GPR158: variants seen among roughly 807,000 people sequenced by gnomAD.
GPR158 encodes the protein metabotropic glycine receptor.
Under a neutral mutation model 78.2 loss-of-function variants are expected in GPR158, and 30 were observed. The ratio of observed to expected loss-of-function variants is 0.38; its 90% CI spans 0.29 to 0.52. GPR158 has a LOEUF of 0.52. Among genes scored for constraint, GPR158 ranks in the 20% least tolerant of loss-of-function variants. The pLI is 0.83. For synonymous variants in GPR158, 581 were observed against 591.1 expected (o/e 0.98, Z 0.25); for missense variants, 1,463 against 1,523.5 (o/e 0.96, Z 0.66).
intron 4 of GPR158, among the ~76,000 whole-genome samples, chr10:25,417,407 G>A (rs1754281): frequency 0.69 from 105,483 of 151,970 alleles, 37,697 homozygotes; most frequent in Non-Finnish European, 0.8. Context: ...CTACATGACT[G>A]TGGTAGACAC....
intron 5 of GPR158, among the ~76,000 whole-genome samples, chr10:25,490,200 A>G (rs1835786478): frequency 6.6e-6 from 1 of 151,938 alleles, no homozygotes; most frequent in Non-Finnish European, 1.5e-5. Context: ...CTAAACTGGA[A>G]CTCTTCCTTG....
chr10:25,553,803 C>G (rs1345900163), intron 6 of GPR158, among the ~76,000 whole-genome samples: 2 of 152,048 alleles, frequency 1.3e-5, no homozygotes, highest in Non-Finnish European at 2.9e-5. Flanking sequence ...CTGACAAATC[C>G]AAATTGGAAC....
At chr10:25,592,173 T>A (rs1837349664) in intron 8 of GPR158, among the ~76,000 whole-genome samples, 1 of 151,918 alleles carries the variant, frequency 6.6e-6, no homozygotes, top group African/African-American at 2.4e-5. Flanking sequence ...CTTAAAAAAA[T>A]TATGTCTATG....
At chr10:25,586,391 A>ATTTTTT (rs71399977) in intron 7 of GPR158, among the ~76,000 whole-genome samples, 1 of 70,868 alleles carries the variant, frequency 1.4e-5, no homozygotes, top group Non-Finnish European at 3.0e-5. Flanking sequence ...GTATGTGTGA[A>ATTTTTT]TTTTTTTTTT....
At chr10:25,562,684 G>A (rs1424103774) in intron 6 of GPR158, among the ~76,000 whole-genome samples, 2 of 152,140 alleles carry the variant, frequency 1.3e-5, no homozygotes, top group African/African-American at 4.8e-5. Flanking sequence ...CTGGTTTTGT[G>A]GTCTAACATA....
At chr10:25,333,297 A>G (rs1414669356) in intron 2 of GPR158, among the ~76,000 whole-genome samples, 1 of 152,206 alleles carries the variant, frequency 6.6e-6, no homozygotes, top group Admixed American at 6.5e-5. Context: ...TTTATTAGAT[A>G]GGGATTTAGT....
At chr10:25,303,454 T>G (rs1854627477) in intron 2 of GPR158, among the ~76,000 whole-genome samples, 1 of 152,114 alleles carries the variant, frequency 6.6e-6, no homozygotes, top group South Asian at 2.1e-4. Context: ...ATGATACAGA[T>G]CAAGAGAATG....
intron 2 of GPR158, among the ~76,000 whole-genome samples, chr10:25,309,223 G>GTGTGTA (rs1186882935): frequency 6.6e-6 from 1 of 152,028 alleles, no homozygotes; most frequent in African/African-American, 2.4e-5. Context: ...TTCTGTGTGT[G>GTGTGTA]TGTGTGTGTG....
At chr10:25,240,559 G>C (rs1445090528) in intron 2 of GPR158, among the ~76,000 whole-genome samples, 1 of 152,118 alleles carries the variant, frequency 6.6e-6, no homozygotes, top group Non-Finnish European at 1.5e-5. Flanking sequence ...TTTAAGAATA[G>C]GAAGAATTTT....
At chr10:25,564,651 C>T (rs1019428482) in intron 6 of GPR158, among the ~76,000 whole-genome samples, 7 of 151,956 alleles carry the variant, frequency 4.6e-5, no homozygotes, top group Admixed American at 6.6e-5. Flanking sequence ...GTACTAGGTA[C>T]GTGTCCTGAG....
chr10:25,426,649 G>A (rs1834828060), intron 4 of GPR158, among the ~76,000 whole-genome samples: 1 of 152,058 alleles, frequency 6.6e-6, no homozygotes, highest in Non-Finnish European at 1.5e-5. Context: ...TCTTACATGG[G>A]TGAGGTTCAT....
intron 2 of GPR158, among the ~76,000 whole-genome samples, chr10:25,379,256 G>A (rs1754250): frequency 0.66 from 100,459 of 151,984 alleles, 34,275 homozygotes; most frequent in Non-Finnish European, 0.75. Context: ...TCTGTGTGGT[G>A]TAATTTGAGA....
At chr10:25,372,099 T>C (rs1564436329) in intron 2 of GPR158, among the ~76,000 whole-genome samples, 1 of 50,726 alleles carries the variant, frequency 2.0e-5, no homozygotes, top group Non-Finnish European at 5.6e-5. Context: ...AAAAAACACA[T>C]GAAAAAAATG....
At position 25,228,749 on chromosome 10, in the gene GPR158, A is replaced by G. The variant is rs577555402; in HGVS notation, c.1008+7592A>G. Among the ~76,000 whole-genome samples, 21 of 152,228 alleles carry G rather than the reference A, an allele frequency of 1.4e-4. No homozygotes were observed. The South Asian group carries it at 3.5e-3, about 26-fold the overall frequency. ...TGGAAATGTGTACAAGATGATTTGT[A>G]GGCCGGGCGTGGTGGCTCACGCCTG... On this transcript the variant is annotated intron_variant, in intron 2 of 10. Transcript: ENST00000376351.
intron 4 of GPR158, among the ~76,000 whole-genome samples, chr10:25,427,011 T>A (rs1448354402): frequency 6.6e-6 from 1 of 152,024 alleles, no homozygotes; most frequent in African/African-American, 2.4e-5. Context: ...GCTATACATC[T>A]CTTTGAGAAA....
intron 2 of GPR158, among the ~76,000 whole-genome samples, chr10:25,249,521 AG>A (rs1853759194): frequency 6.6e-6 from 1 of 151,732 alleles, no homozygotes; most frequent in Admixed American, 6.6e-5. Context: ...TTTAGCATGA[AG>A]GGTTGTTGAA....
chr10:25,406,082 T>C (rs564172569), intron 3 of GPR158, among the ~76,000 whole-genome samples: 3 of 152,250 alleles, frequency 2.0e-5, no homozygotes. Flanking sequence ...AGATTATAGC[T>C]ACAGTAGACA....
At chr10:25,444,431 G>T (rs1189531725) in intron 4 of GPR158, among the ~76,000 whole-genome samples, 11 of 151,534 alleles carry the variant, frequency 7.3e-5, no homozygotes, top group Non-Finnish European at 1.6e-4. Context: ...GTATGTGTGT[G>T]TATGTGGTGT....
chr10:25,381,699 C>A (rs941834144), intron 2 of GPR158, among the ~76,000 whole-genome samples: 3 of 152,124 alleles, frequency 2.0e-5, no homozygotes, highest in South Asian at 2.1e-4. Context: ...CTTCTCATGG[C>A]TTTTATTTAC....
Sources: allele counts gnomAD v4.1 joint callset (sites outside exome capture counted in the v4.1 genomes callset), GRCh38; gene constraint gnomAD v4.1.1; transcripts MANE v1.5; gene names NCBI Gene and HGNC (gene_info 2026-07-23, HGNC 2026-07-21).